The following DHRS4 variants were observed in gnomAD, a reference collection of about 807,000 sequenced individuals.
DHRS4 encodes dehydrogenase/reductase SDR family member 4.
In DHRS4, 20 loss-of-function variants were observed where a neutral mutation model predicts 28.4. The observed-to-expected ratio is 0.71, with a 90% CI of 0.50 to 1.02. DHRS4 has a LOEUF of 1.02. DHRS4 is among the 50% of genes least tolerant of loss of function. The pLI, the probability that DHRS4 is intolerant of heterozygous loss-of-function variation, is 0.00. For synonymous variants in DHRS4, 144 were observed against 146.4 expected, an observed-to-expected ratio of 0.98 and a Z score of 0.12; for missense variants, 378 against 367.2, an observed-to-expected ratio of 1.03 and a Z score of -0.24.
intron 2 of DHRS4, among the ~76,000 whole-genome samples, chr14:23,957,700 G>T (rs2033232586): frequency 1.3e-5 from 2 of 148,718 alleles, no homozygotes; most frequent in African/African-American, 5.0e-5. Context: ...AAAACTATAG[G>T]CATGCACCAC....
chr14:23,955,352 A>G, intron 2 of DHRS4, 140 bp downstream of exon 2: 2 of 1,368,554 alleles, frequency 1.5e-6, no homozygotes, highest in Non-Finnish European at 1.9e-6. Context: ...TCAGAGAATC[A>G]TCCCATCTCA....
chr14:23,954,034 C>G, intron 1 of DHRS4, 118 bp downstream of exon 1: 2 of 1,464,276 alleles, frequency 1.4e-6, no homozygotes, highest in Non-Finnish European at 1.8e-6. Flanking sequence ...AAGTCTGGCC[C>G]TGGAAAAAAG....
intron 2 of DHRS4, 98 bp from the exon 3 acceptor site, chr14:23,959,804 C>CCA (rs1460944738): frequency 7.1e-7 from 1 of 1,416,116 alleles, no homozygotes; most frequent in Non-Finnish European, 9.9e-7. Flanking sequence ...CAGGCATGAG[C>CCA]CACAGCTCCT....
Position 23,953,835 on chromosome 14 carries a change from C to T in DHRS4, c.47C>T (p.Ser16Leu), listed in dbSNP as rs745652473. The T allele has an allele frequency of 8.1e-6, 13 of 1,613,918 alleles. 1 individual carries two copies. The South Asian group carries it at 1.1e-4, about 14-fold the overall frequency. Residue 16 changes from serine to leucine, a missense_variant, in exon 1 of 8, where the codon TCG becomes TTG. Physicochemically the swap from Ser to Leu is moderately radical, Grantham distance 145. Coordinates refer to ENST00000313250, the MANE Select transcript of DHRS4 (RefSeq NM_021004.4). ...LLGLCARAWN[S>L]VRMASSGMTR... ...GGCCTCTGTGCCCGGGCTTGGAATTCGGTGCGGATGGCCAGCTCCGGGATG... is the reference window on the plus strand; with the variant it reads ...GGCCTCTGTGCCCGGGCTTGGAATTTGGTGCGGATGGCCAGCTCCGGGATG...
chr14:23,954,109 C>T, intron 1 of DHRS4, 193 bp downstream of exon 1: 3 of 826,276 alleles, frequency 3.6e-6, no homozygotes, highest in Non-Finnish European at 5.5e-6. Flanking sequence ...CTTGCCAGCC[C>T]TCCTGTCCCT....
At chr14:23,960,441 T>C (rs2033371198) in intron 3 of DHRS4, among the ~76,000 whole-genome samples, 2 of 152,078 alleles carry the variant, frequency 1.3e-5, no homozygotes, top group Admixed American at 1.3e-4. Flanking sequence ...TTTAAAATAC[T>C]AATTCTGGTG....
intron 3 of DHRS4, among the ~76,000 whole-genome samples, 164 bp downstream of exon 3, chr14:23,960,167 G>C (rs1374891675): frequency 6.6e-6 from 1 of 151,972 alleles, no homozygotes; most frequent in Non-Finnish European, 1.5e-5. Flanking sequence ...GCGGGTGGGG[G>C]TGGCTCTATC....
At chr14:23,957,534 A>G (rs2033223601) in intron 2 of DHRS4, among the ~76,000 whole-genome samples, 2 of 150,880 alleles carry the variant, frequency 1.3e-5, no homozygotes, top group Non-Finnish European at 2.9e-5. Flanking sequence ...CACACAATTT[A>G]GAATAAGACT....
chr14:23,953,822 C>G lies in DHRS4; in HGVS notation c.34C>G (p.Arg12Gly). 6.2e-7 allele frequency: 1 copy of G among 1,614,100 alleles called. No homozygotes were observed. The highest frequency in any genetic ancestry group is 8.5e-7 in the Non-Finnish European group (1 of 1,179,976). The change falls in exon 1 of 8, where the codon CGG (arginine) becomes GGG (glycine). Residue 12 changes from arginine (R) to glycine (G), a missense_variant. By Grantham distance (125) the Arg-to-Gly change is moderately radical. Transcript: ENST00000313250. Reference protein sequence around the residue: ...HKAGLLGLCARAWNSVRMASS... With the variant: ...HKAGLLGLCAGAWNSVRMASS... ...GGCGGGGCTGCTAGGCCTCTGTGCC[C>G]GGGCTTGGAATTCGGTGCGGATGGC...
rs761354366 is a variant in DHRS4 at position 23,966,351 on chromosome 14, G to A, written c.600G>A (p.Leu200=). ...LGLTKTLAIE[L]APRNIRVNCL... ...TGACCAAGACCCTGGCCATAGAGCT[G>A]GCCCCAAGGAACATTAGGGTGAACT... The change falls in exon 6 of 8, where the codon CTG becomes CTA. Residue 200 remains leucine (L), a synonymous_variant. Transcript: ENST00000313250. 2.5e-6 allele frequency: 4 copies of A among 1,614,058 alleles called. No homozygotes were observed. The South Asian group carries it at 4.4e-5, about 18-fold the overall frequency.
At position 23,953,798 on chromosome 14, in the gene DHRS4, G is replaced by A. The variant is rs17099455; in HGVS notation, c.10G>A (p.Ala4Thr). ...CTTGCTGGTCTGATCCATGCACAAG[G>A]CGGGGCTGCTAGGCCTCTGTGCCCG... is the stretch of plus-strand genomic sequence containing the variant. MHK[A>T]GLLGLCARAW... Residue 4 changes from alanine (A) to threonine (T), a missense_variant, in exon 1 of 8, where the codon GCG becomes ACG. Coordinates refer to ENST00000313250, the MANE Select transcript of DHRS4 (RefSeq NM_021004.4). 0.073 allele frequency: 118,243 copies of A among 1,613,564 alleles called. 14,204 individuals carry two copies. Among genetic ancestry groups the A allele is most frequent in the African/African-American group, 0.56 (41,747 of 74,924 alleles).
chr14:23,960,017 A>T lies in DHRS4; in HGVS notation c.408+14A>T. The T allele has an allele frequency of 1.9e-6, 3 of 1,595,634 alleles. No homozygotes were observed. Among genetic ancestry groups the T allele is most frequent in the South Asian group, 1.1e-5 (1 of 90,978 alleles). ...GTGTGGGACAAGGTGAGAGGGGATT[A>T]AAGCAGGGGGGCCGGGGGGGGCGCC... is the stretch of plus-strand genomic sequence containing the variant. On this transcript the variant is annotated intron_variant, in intron 3 of 7. Coordinates refer to ENST00000313250, the MANE Select transcript of DHRS4 (RefSeq NM_021004.4).
chr14:23,962,751 T>A (rs1393305982), intron 3 of DHRS4, among the ~76,000 whole-genome samples: 1 of 151,208 alleles, frequency 6.6e-6, no homozygotes, highest in Non-Finnish European at 1.5e-5. Flanking sequence ...CTTAATGGCA[T>A]CTAAAATGGT....
chr14:23,964,813 G>T (rs2033557172), intron 3 of DHRS4, among the ~76,000 whole-genome samples: 1 of 148,326 alleles, frequency 6.7e-6, no homozygotes, highest in African/African-American at 2.5e-5. Flanking sequence ...TGACCTAAAA[G>T]TGATCCACCC....
intron 4 of DHRS4, 49 bp downstream of exon 4, chr14:23,965,881 T>A: frequency 1.2e-6 from 2 of 1,606,728 alleles, no homozygotes; most frequent in Non-Finnish European, 1.7e-6. Context: ...CCACACGGGC[T>A]GAGGGCACTG....
At position 23,966,330 on chromosome 14, in the gene DHRS4, C is replaced by A. The variant is rs775137131; in HGVS notation, c.579C>A (p.Thr193=). The change falls in exon 6 of 8, where the codon ACC becomes ACA. Residue 193 remains threonine (T), a synonymous_variant. Coordinates refer to ENST00000313250, the MANE Select transcript of DHRS4 (RefSeq NM_021004.4). Reference sequence around the variant, plus strand: ...GTAAAACAGCCTTGCTGGGCCTGACCAAGACCCTGGCCATAGAGCTGGCCC... The same window carrying A: ...GTAAAACAGCCTTGCTGGGCCTGACAAAGACCCTGGCCATAGAGCTGGCCC... The part of the protein sequence containing the change: ...NVSKTALLGL[T]KTLAIELAPR... 6 of 1,613,914 alleles carry A rather than the reference C, an allele frequency of 3.7e-6. No individual in the cohort carries two copies. The South Asian group carries it at 6.6e-5, about 18-fold the overall frequency.
At position 23,965,931 on chromosome 14, in the gene DHRS4, G is replaced by A; in HGVS notation, c.480-1G>A. The A allele has an allele frequency of 3.7e-6, 6 of 1,608,326 alleles. 1 individual carries two copies. The African/African-American group carries it at 4.0e-5, about 11-fold the overall frequency. Reference sequence around the variant, plus strand: ...GATGGTCAGCTCTCTTCTTTTTCCAGAGGCGGCTCAGTGGTGATCGTGTCT... The same window carrying A: ...GATGGTCAGCTCTCTTCTTTTTCCAAAGGCGGCTCAGTGGTGATCGTGTCT... On this transcript the variant is annotated splice_acceptor_variant, in intron 4 of 7. Coordinates refer to ENST00000313250, the MANE Select transcript of DHRS4 (RefSeq NM_021004.4). LOFTEE classifies it high-confidence loss of function.
rs886497223 is a variant in DHRS4 at position 23,969,015 on chromosome 14, C to T, written c.*144C>T. 26 of 1,330,840 alleles carry T rather than the reference C, an allele frequency of 2.0e-5. No homozygotes were observed. Among genetic ancestry groups the T allele is most frequent in the Admixed American group, 6.0e-5 (2 of 33,568 alleles). The allele number at this position is 1,330,840 out of a possible 1,614,324, so 82.4% of individuals were successfully genotyped here. ...CTGCCCTGTGAAAAGATCCAGCCTTCCCTGCCGTCAAGGTGGCGTCTTACT... is the reference window on the plus strand; with the variant it reads ...CTGCCCTGTGAAAAGATCCAGCCTTTCCTGCCGTCAAGGTGGCGTCTTACT... On this transcript the variant is annotated 3_prime_UTR_variant, in exon 8 of 8. Transcript: ENST00000313250.
chr14:23,962,482 C>T (rs2033452478), intron 3 of DHRS4, among the ~76,000 whole-genome samples: 1 of 151,552 alleles, frequency 6.6e-6, no homozygotes, highest in Non-Finnish European at 1.5e-5. Context: ...GAAATAGATT[C>T]CATCCCAAGA....
Sources: allele counts gnomAD v4.1 joint callset (sites outside exome capture counted in the v4.1 genomes callset), GRCh38; gene constraint gnomAD v4.1.1; transcripts MANE v1.5; gene names NCBI Gene and HGNC (gene_info 2026-07-23, HGNC 2026-07-21).